The following FOXP1 variants were observed in gnomAD, a reference collection of about 807,000 sequenced individuals.
FOXP1 encodes forkhead box P1.
FOXP1 carries 15 observed loss-of-function variants against 98.2 expected under a neutral mutation model. That is an observed-to-expected ratio of 0.15 (90% CI 0.10 to 0.24). The LOEUF (loss-of-function observed/expected upper bound fraction) is 0.24, where lower values mean the gene tolerates loss of function less well. FOXP1 is among the 10% of genes least tolerant of loss of function. FOXP1 has a pLI of 1.00. For synonymous variants in FOXP1, 371 were observed against 314.5 expected (o/e 1.18, Z -1.90); for missense variants, 633 against 848.5 (o/e 0.75, Z 3.15).
chr3:71,345,585 T>C (rs2077285518), intron 4 of FOXP1, among the ~76,000 whole-genome samples: 1 of 152,048 alleles, frequency 6.6e-6, no homozygotes, highest in Non-Finnish European at 1.5e-5. Context: ...ATTACTTCTT[T>C]TTTCCTACCC....
intron 12 of FOXP1, among the ~76,000 whole-genome samples, chr3:71,002,332 C>T (rs1490390270): frequency 1.3e-5 from 2 of 152,154 alleles, no homozygotes; most frequent in South Asian, 2.1e-4. Flanking sequence ...ATCTCATCCT[C>T]GCTCCCCTCC....
intron 4 of FOXP1, among the ~76,000 whole-genome samples, chr3:71,351,720 C>T (rs1279494525): frequency 1.3e-5 from 2 of 152,168 alleles, no homozygotes; most frequent in African/African-American, 4.8e-5. Context: ...GGGACCAAAG[C>T]TTTGGGAGGG....
intron 19 of FOXP1, chr3:70,968,751 C>A (rs912544434): frequency 6.6e-6 from 1 of 151,914 alleles, no homozygotes; most frequent in Non-Finnish European, 1.5e-5. Context: ...AGATATTGTT[C>A]CACTATTATT....
At chr3:71,571,031 C>T (rs553930105) in intron 2 of FOXP1, 1 of 152,318 alleles carries the variant, frequency 6.6e-6, no homozygotes, top group South Asian at 2.1e-4. Flanking sequence ...TCATGTCCTA[C>T]AGAACATTGC....
chr3:71,460,092 C>T (rs571558070), intron 3 of FOXP1, among the ~76,000 whole-genome samples: 1 of 151,950 alleles, frequency 6.6e-6, no homozygotes, highest in South Asian at 2.1e-4. Flanking sequence ...CACCACCATG[C>T]ACGGCTAATT....
At chr3:71,169,446 A>G (rs1472462473) in intron 6 of FOXP1, among the ~76,000 whole-genome samples, 1 of 152,122 alleles carries the variant, frequency 6.6e-6, no homozygotes, top group Non-Finnish European at 1.5e-5. Context: ...TTTTTCTGCT[A>G]CCTCCAGGGA....
intron 3 of FOXP1, among the ~76,000 whole-genome samples, chr3:71,467,121 CGT>C (rs1297387665): frequency 2.6e-5 from 4 of 152,046 alleles, no homozygotes; most frequent in Non-Finnish European, 5.9e-5. Flanking sequence ...TGTGTGTGTA[CGT>C]GTGTGTGTAT....
At chr3:70,983,823 C>G (rs902198263) in intron 14 of FOXP1, among the ~76,000 whole-genome samples, 1 of 152,190 alleles carries the variant, frequency 6.6e-6, no homozygotes, top group East Asian at 1.9e-4. Flanking sequence ...TTAATAAAGT[C>G]ATCATATCAC....
intron 5 of FOXP1, among the ~76,000 whole-genome samples, chr3:71,235,803 T>C (rs1279197892): frequency 1.3e-5 from 2 of 152,132 alleles, no homozygotes; most frequent in Admixed American, 6.5e-5. Context: ...CCTGACCTCA[T>C]GATCCACCCG....
At chr3:71,433,424 G>C (rs575834355) in intron 3 of FOXP1, among the ~76,000 whole-genome samples, 86 of 152,180 alleles carry the variant, frequency 5.7e-4, no homozygotes, top group Non-Finnish European at 1.1e-3. Context: ...ACGTGCAATT[G>C]ATCAGGGAAA....
At chr3:71,499,763 CG>C (rs2041199711) in intron 2 of FOXP1, among the ~76,000 whole-genome samples, 1 of 152,154 alleles carries the variant, frequency 6.6e-6, no homozygotes, top group Non-Finnish European at 1.5e-5. Flanking sequence ...GTGGGTGGAG[CG>C]GGCTCCATCA....
intron 4 of FOXP1, among the ~76,000 whole-genome samples, chr3:71,352,505 A>G (rs2077865078): frequency 6.7e-6 from 1 of 148,716 alleles, no homozygotes; most frequent in Admixed American, 6.7e-5. Flanking sequence ...ACAACAGGCT[A>G]CGAGGGGAAG....
At chr3:71,302,857 T>C (rs1425603530) in intron 4 of FOXP1, 1 of 152,174 alleles carries the variant, frequency 6.6e-6, no homozygotes, top group East Asian at 1.9e-4. Flanking sequence ...CTGCGAACTC[T>C]AGGGTGAGAC....
At chr3:71,026,146 A>C (rs1316133427) in intron 11 of FOXP1, among the ~76,000 whole-genome samples, 2 of 152,230 alleles carry the variant, frequency 1.3e-5, no homozygotes, top group African/African-American at 4.8e-5. Flanking sequence ...GAAGATTTGC[A>C]GATGTATCTT....
intron 5 of FOXP1, among the ~76,000 whole-genome samples, chr3:71,242,416 C>T (rs1224322381): frequency 1.3e-5 from 2 of 152,182 alleles, no homozygotes; most frequent in African/African-American, 4.8e-5. Flanking sequence ...TTGAAACACA[C>T]AGCTGCACTA....
rs575966923 is a variant in FOXP1 at position 71,141,588 on chromosome 3, C to T, written c.181-28951G>A. On this transcript the variant is annotated intron_variant, in intron 6 of 20. Coordinates refer to ENST00000649528, the MANE Select transcript of FOXP1 (RefSeq NM_001349338.3). ...ACCAGAACATTAGCTTCTATTTACACACCAATTAAACACATAATTTTTGGT... is the reference window on the plus strand; with the variant it reads ...ACCAGAACATTAGCTTCTATTTACATACCAATTAAACACATAATTTTTGGT... Among the ~76,000 whole-genome samples, 3 of 152,296 alleles carry T rather than the reference C, an allele frequency of 2.0e-5. No individual in the cohort carries two copies. The East Asian group carries it at 5.8e-4, about 29-fold the overall frequency.
intron 9 of FOXP1, among the ~76,000 whole-genome samples, chr3:71,050,132 C>T (rs1370798412): frequency 6.6e-6 from 1 of 152,208 alleles, no homozygotes; most frequent in Non-Finnish European, 1.5e-5. Context: ...ACTCCCCACC[C>T]CCTGCCACTC....
chr3:71,252,847 C>G (rs1252550549), intron 5 of FOXP1, among the ~76,000 whole-genome samples: 3 of 152,214 alleles, frequency 2.0e-5, no homozygotes, highest in Non-Finnish European at 2.9e-5. Context: ...CTTTCTTACT[C>G]TAACATGTAA....
At chr3:71,580,680 G>A (rs2048095477) in intron 2 of FOXP1, 1 of 513,630 alleles carries the variant, frequency 1.9e-6, no homozygotes, top group African/African-American at 2.1e-5. Flanking sequence ...ACGGGGGTGG[G>A]GGAAAGGGGA....
Sources: gnomAD v4.1 joint callset for allele counts (sites outside exome capture counted in the v4.1 genomes callset) on GRCh38, gnomAD v4.1.1 for gene constraint, MANE v1.5 for transcripts, NCBI Gene and HGNC (gene_info 2026-07-23, HGNC 2026-07-21) for gene names.